ZNF195: variants seen among roughly 807,000 people sequenced by gnomAD.
ZNF195 encodes the protein zinc finger protein 195, also known as hypoxia-regulated factor-1.
A neutral mutation model predicts 19.5 loss-of-function variants in ZNF195; 11 were observed. The ratio of observed to expected loss-of-function variants is 0.57; its 90% CI spans 0.36 to 0.94. The LOEUF (loss-of-function observed/expected upper bound fraction) is 0.94. Among genes scored for constraint, ZNF195 ranks in the 40% least tolerant of loss-of-function variants. ZNF195 has a pLI of 0.01. For synonymous variants in ZNF195, 214 were observed against 248.1 expected (o/e 0.86, Z 1.29); for missense variants, 582 against 709.0 (o/e 0.82, Z 2.03).
At chr11:3,362,567 T>C in intron 3 of ZNF195, 1 of 600,712 alleles carries the variant, frequency 1.7e-6, no homozygotes. Context: ...TTTAAGATGT[T>C]TTATATAATT....
intron 2 of ZNF195, among the ~76,000 whole-genome samples, chr11:3,371,318 T>C (rs1227703913): frequency 6.6e-6 from 1 of 152,132 alleles, no homozygotes; most frequent in Non-Finnish European, 1.5e-5. Context: ...GGCAACAATA[T>C]TTCATGCCAC....
chr11:3,359,573 A>G lies in ZNF195; in HGVS notation c.1435T>C (p.Ser479Pro). The change falls in exon 6 of 6, where the codon TCA becomes CCA. Residue 479 changes from serine to proline, a missense_variant. Around this residue, in one of 3 missense-constraint regions of ZNF195, gnomAD observed 407 missense variants for 530.5 expected, o/e 0.77. Transcript: ENST00000399602. This position sits in a 1 kb window ranked among gnomAD's most constrained non-coding sequence, Gnocchi z 5.5. ...GTTCTCTTATGGTTAGAAAGGCTTG[A>G]GCAAGTTCTGAAGACCTTCCCACAT... ...EECGKVFRTC[S>P]SLSNHKRTHS... The G allele has an allele frequency of 6.2e-7, 1 of 1,614,146 alleles. No homozygotes were observed. Among genetic ancestry groups the G allele is most frequent in the Non-Finnish European group, 8.5e-7 (1 of 1,180,016 alleles).
At chr11:3,372,617 C>CAAATATCTCCCAGGTTCTGACAAAT (rs1554930746) in intron 1 of ZNF195, among the ~76,000 whole-genome samples, 89,152 of 124,450 alleles carry the variant, frequency 0.72, 34,279 homozygotes, top group Middle Eastern at 0.8. Flanking sequence ...CAGGTCCTGA[C>CAAATATCTCCCAGGTTCTGACAAAT]AAATATCTCC....
In ZNF195 at chr11:3,359,107, T is replaced by G; in HGVS notation, c.*11A>C. On this transcript the variant is annotated 3_prime_UTR_variant, in exon 6 of 6. Coordinates refer to ENST00000399602, the MANE Select transcript of ZNF195 (RefSeq NM_001130520.3). This position sits in a 1 kb window ranked among gnomAD's most constrained non-coding sequence, Gnocchi z 5.5. ...CGGCTTTGCCTATTTTTATATTTGT[T>G]TATTTTTTTCTCAAGTATGAATGCT... is the stretch of plus-strand genomic sequence containing the variant. The G allele has an allele frequency of 6.5e-7, 1 of 1,530,342 alleles. No homozygotes were observed. Among genetic ancestry groups the G allele is most frequent in the Non-Finnish European group, 8.8e-7 (1 of 1,141,246 alleles). 94.8% of individuals were successfully genotyped at this position (1,530,342 alleles called of 1,614,324 possible).
At chr11:3,369,552 A>G (rs967235491) in intron 3 of ZNF195, 14 of 438,018 alleles carry the variant, frequency 3.2e-5, no homozygotes, top group Non-Finnish European at 6.0e-5. Flanking sequence ...AATATTACTC[A>G]GCCATAAAAA....
Position 3,359,069 on chromosome 11 carries a change from G to T in ZNF195, c.*49C>A. ...TGAACTCTGATGTAAAGTGGGATGC[G>T]AGCAGATACTAACGGCTTTGCCTAT... On this transcript the variant is annotated 3_prime_UTR_variant, in exon 6 of 6. Coordinates refer to ENST00000399602, the MANE Select transcript of ZNF195 (RefSeq NM_001130520.3). The surrounding 1 kb of genome is among the most constrained non-coding windows in gnomAD (Gnocchi z 5.5). 2 of 1,497,784 alleles carry T rather than the reference G, an allele frequency of 1.3e-6. No homozygotes were observed. Among genetic ancestry groups the T allele is most frequent in the South Asian group, 2.9e-5 (2 of 68,118 alleles). 92.8% of individuals were successfully genotyped at this position (1,497,784 alleles called of 1,614,324 possible). A position where few individuals can be genotyped will look rare whatever the true frequency, so the allele number is the denominator to read the frequency against.
intron 1 of ZNF195, chr11:3,377,819 G>C: frequency 1.0e-6 from 1 of 989,586 alleles, no homozygotes. Flanking sequence ...AAAAAGTCCA[G>C]AGGGTGGCTG....
chr11:3,364,357 C>T (rs576545848), intron 3 of ZNF195, among the ~76,000 whole-genome samples: 2 of 152,220 alleles, frequency 1.3e-5, no homozygotes, highest in Admixed American at 6.5e-5. Context: ...TGATGCTAGA[C>T]AGCATTATAA....
intron 1 of ZNF195, among the ~76,000 whole-genome samples, chr11:3,378,149 A>T (rs1849557433): frequency 6.6e-6 from 1 of 152,090 alleles, no homozygotes; most frequent in South Asian, 2.1e-4. Context: ...GTCTCTACTA[A>T]AAATACAAAA....
chr11:3,361,691 G>T, intron 4 of ZNF195, 52 bp downstream of exon 4: 1 of 1,291,080 alleles, frequency 7.7e-7, no homozygotes, highest in Non-Finnish European at 1.0e-6. Flanking sequence ...AAGGAGAAAA[G>T]AATCCTGAAA....
chr11:3,373,552 A>G lies in ZNF195; in HGVS notation c.4-1849T>C, dbSNP rs188841414. ...ACATTTCAGGAGCAAAAGTGGACACAACCCCTGACCTGAGATGCATTTACC... is the reference window on the plus strand; with the variant it reads ...ACATTTCAGGAGCAAAAGTGGACACGACCCCTGACCTGAGATGCATTTACC... On this transcript the variant is annotated intron_variant, in intron 1 of 5. Transcript: ENST00000399602. 3,980 of 1,530,822 alleles carry G rather than the reference A, an allele frequency of 2.6e-3. 10 individuals are homozygous for G. Among genetic ancestry groups the G allele is most frequent in the Non-Finnish European group, 2.9e-3 (3,261 of 1,128,592 alleles). 94.8% of individuals were successfully genotyped at this position (1,530,822 alleles called of 1,614,324 possible).
chr11:3,365,459 G>C (rs1848832316), intron 3 of ZNF195, among the ~76,000 whole-genome samples: 1 of 151,512 alleles, frequency 6.6e-6, no homozygotes, highest in Non-Finnish European at 1.5e-5. Context: ...AAAAGCAAAA[G>C]TAAAACTGGC....
In ZNF195 at chr11:3,360,069, T is replaced by C. The variant is rs1240287565; in HGVS notation, c.939A>G (p.Ser313=). 1 of 1,614,160 alleles carries C rather than the reference T, an allele frequency of 6.2e-7. No homozygotes were observed. The highest frequency in any genetic ancestry group is 1.7e-5 in the Admixed American group (1 of 60,036). The change falls in exon 6 of 6, where the codon TCA becomes TCG. Residue 313 remains serine (S), a synonymous_variant. Coordinates refer to ENST00000399602, the MANE Select transcript of ZNF195 (RefSeq NM_001130520.3). ...QECNNVIKTC[S]VLTKNRIYAG... The stretch of plus-strand genomic sequence containing the variant: ...CATAAATTCTATTTTTAGTAAGGAC[T>C]GAGCAAGTTTTAATGACGTTGTTAC...
intron 3 of ZNF195, chr11:3,369,317 G>A (rs7925972): frequency 8.9e-6 from 2 of 223,516 alleles, no homozygotes; most frequent in Non-Finnish European, 1.9e-5. Context: ...AAACCAGGGT[G>A]GGGGGGCGTT....
chr11:3,371,514 C>T lies in ZNF195; in HGVS notation c.130+63G>A, dbSNP rs1353919223. ...ACGCAGAAACTCCCAAAAAACATTC[C>T]GCAGAGGAACGAAAGGAACTCTTTA... On this transcript the variant is annotated intron_variant, in intron 2 of 5. Transcript: ENST00000399602. 22 of 1,607,602 alleles carry T rather than the reference C, an allele frequency of 1.4e-5. No homozygotes were observed. The East Asian group carries it at 3.4e-4, about 25-fold the overall frequency.
At chr11:3,373,662 T>A (rs1163057653) in intron 1 of ZNF195, 34 of 1,545,756 alleles carry the variant, frequency 2.2e-5, no homozygotes, top group Non-Finnish European at 2.5e-5. Context: ...CACACCTGCA[T>A]CGTGAGAATA....
At position 3,359,776 on chromosome 11, in the gene ZNF195, T is replaced by C. The variant is rs933806724; in HGVS notation, c.1232A>G (p.Lys411Arg). 2 of 1,614,198 alleles carry C rather than the reference T, an allele frequency of 1.2e-6. No homozygotes were observed. The highest frequency in any genetic ancestry group is 1.7e-6 in the Non-Finnish European group (2 of 1,180,034). ...GAAGATGCTGTCACATTCCTCACAT[T>C]TGAAAGGTTTCCCTCCAATCTCATT... is the stretch of plus-strand genomic sequence containing the variant. ...QRNEIGGKPF[K>R]CEECDSIFKW... Residue 411 changes from lysine (K) to arginine (R), a missense_variant, in exon 6 of 6, where the codon AAA becomes AGA. Physicochemically the swap from Lys to Arg is conservative, Grantham distance 26. Transcript: ENST00000399602. This position sits in a 1 kb window ranked among gnomAD's most constrained non-coding sequence, Gnocchi z 5.5.
intron 1 of ZNF195, among the ~76,000 whole-genome samples, chr11:3,378,128 G>A (rs531547615): frequency 2.6e-5 from 4 of 152,202 alleles, no homozygotes; most frequent in African/African-American, 9.6e-5. Context: ...TGGCCAACAT[G>A]GTGAAACCCC....
At chr11:3,373,658 T>C (rs1249234624) in intron 1 of ZNF195, 3 of 1,546,536 alleles carry the variant, frequency 1.9e-6, no homozygotes, top group East Asian at 4.9e-5. Flanking sequence ...AAATCACACC[T>C]GCATCGTGAG....
Sources: gnomAD v4.1 joint callset for allele counts (sites outside exome capture counted in the v4.1 genomes callset) on GRCh38, gnomAD v4.1.1 for gene constraint, gnomAD v4.1.1 regional missense constraint, Gnocchi (gnomAD v3.1) non-coding constraint, MANE v1.5 for transcripts, NCBI Gene and HGNC (gene_info 2026-07-23, HGNC 2026-07-21) for gene names.